Variants in ADORA2B observed in about 807,000 individuals in gnomAD.
ADORA2B encodes adenosine A2b receptor, also known as adenosine receptor A2b.
ADORA2B carries 18 observed loss-of-function variants against 20.8 expected under a neutral mutation model. The ratio of observed to expected loss-of-function variants is 0.87; its 90% CI spans 0.60 to 1.29. The LOEUF (loss-of-function observed/expected upper bound fraction) is 1.29. Among genes scored for constraint, ADORA2B ranks in the 50% most tolerant of loss-of-function variants. The pLI is 0.00. For synonymous variants in ADORA2B, 179 were observed against 178.3 expected (o/e 1.00, Z -0.03); for missense variants, 441 against 422.7 (o/e 1.04, Z -0.38).
At chr17:15,948,057 C>G (rs1202136488) in intron 1 of ADORA2B, among the ~76,000 whole-genome samples, 2 of 151,992 alleles carry the variant, frequency 1.3e-5, no homozygotes, top group Non-Finnish European at 2.9e-5. Flanking sequence ...AGGTGTGTCC[C>G]CTTTGAAGCC....
intron 1 of ADORA2B, among the ~76,000 whole-genome samples, chr17:15,962,301 T>C (rs766765962): frequency 6.6e-6 from 1 of 152,132 alleles, no homozygotes; most frequent in Non-Finnish European, 1.5e-5. Context: ...AGACTGCGTC[T>C]CAAAACAAAA....
At chr17:15,932,290 C>T in the ADORA2B span, among the ~76,000 whole-genome samples, 3 of 151,632 alleles carry the variant, frequency 2.0e-5, no homozygotes, top group Non-Finnish European at 4.4e-5. Context: ...GTCAGGAGTT[C>T]GAGACCAGCC....
intron 1 of ADORA2B, among the ~76,000 whole-genome samples, chr17:15,967,751 C>G (rs1970139305): frequency 6.6e-6 from 1 of 152,228 alleles, no homozygotes; most frequent in South Asian, 2.1e-4. Flanking sequence ...TCCATGCCCT[C>G]CTTGGGTGCA....
At chr17:15,902,135 T>C in the ADORA2B span, among the ~76,000 whole-genome samples, 1 of 152,230 alleles carries the variant, frequency 6.6e-6, no homozygotes, top group Non-Finnish European at 1.5e-5. Flanking sequence ...GATTTGTCTT[T>C]TTGTGAGTGG....
the ADORA2B span, among the ~76,000 whole-genome samples, chr17:15,883,874 A>G: frequency 2.1e-4 from 32 of 152,242 alleles, no homozygotes; most frequent in South Asian, 2.1e-4. Context: ...TGCATGTGTC[A>G]TCAGAGAGTG....
Position 15,945,273 on chromosome 17 carries a change from C to T in ADORA2B, c.25C>T (p.Leu9=). 2 of 1,509,304 alleles carry T rather than the reference C, an allele frequency of 1.3e-6. No homozygotes were observed. The highest frequency in any genetic ancestry group is 1.4e-5 in the African/African-American group (1 of 72,722). 93.5% of individuals were successfully genotyped at this position (1,509,304 alleles called of 1,614,324 possible). ...CATGCTGCTGGAGACACAGGACGCG[C>T]TGTACGTGGCGCTGGAGCTGGTCAT... The part of the protein sequence containing the change: MLLETQDA[L]YVALELVIAA... The change falls in exon 1 of 2, where the codon CTG becomes TTG. Residue 9 remains leucine (L), a synonymous_variant. Coordinates refer to ENST00000304222, the MANE Select transcript of ADORA2B (RefSeq NM_000676.4).
chr17:15,938,235 G>GA, the ADORA2B span, among the ~76,000 whole-genome samples: 1 of 152,114 alleles, frequency 6.6e-6, no homozygotes, highest in Admixed American at 6.6e-5. Flanking sequence ...GAAAGGAAAG[G>GA]AAGGAAGGAA....
intron 1 of ADORA2B, among the ~76,000 whole-genome samples, chr17:15,964,832 T>A (rs376533062): frequency 1.3e-5 from 2 of 150,246 alleles, no homozygotes; most frequent in African/African-American, 2.5e-5. Context: ...GAGGCCAAGG[T>A]GGGCGAATCA....
At chr17:15,972,988 T>A (rs1380009068) in intron 1 of ADORA2B, among the ~76,000 whole-genome samples, 2 of 152,228 alleles carry the variant, frequency 1.3e-5, no homozygotes, top group African/African-American at 2.4e-5. Flanking sequence ...CTCCAACTTG[T>A]GATCTAATGG....
the ADORA2B span, among the ~76,000 whole-genome samples, chr17:15,907,451 C>T: frequency 2.0e-5 from 3 of 152,074 alleles, no homozygotes; most frequent in African/African-American, 7.2e-5. Flanking sequence ...CTCTTGTAAC[C>T]ACAGAGGAAT....
the ADORA2B span, among the ~76,000 whole-genome samples, chr17:15,913,747 G>A: frequency 2.6e-4 from 40 of 152,178 alleles, no homozygotes; most frequent in African/African-American, 8.7e-4. Flanking sequence ...TGCAGTGTTG[G>A]CCAAAGGGCC....
At chr17:15,878,806 T>C in the ADORA2B span, among the ~76,000 whole-genome samples, 1 of 152,310 alleles carries the variant, frequency 6.6e-6, no homozygotes, top group Admixed American at 6.5e-5. Context: ...ATAAGAATTA[T>C]AGCAAATTCC....
At chr17:15,880,502 G>A in the ADORA2B span, among the ~76,000 whole-genome samples, 1 of 143,352 alleles carries the variant, frequency 7.0e-6, no homozygotes, top group Admixed American at 7.1e-5. Context: ...AAGACCACTG[G>A]CCACTGTCGC....
At chr17:15,892,535 G>T in the ADORA2B span, among the ~76,000 whole-genome samples, 1 of 152,026 alleles carries the variant, frequency 6.6e-6, no homozygotes, top group Non-Finnish European at 1.5e-5. Flanking sequence ...GACTGACTCG[G>T]TCCCCCAAAC....
chr17:15,954,647 A>T (rs1267817091), intron 1 of ADORA2B, among the ~76,000 whole-genome samples: 2 of 152,182 alleles, frequency 1.3e-5, no homozygotes, highest in Non-Finnish European at 2.9e-5. Flanking sequence ...CGCACCTGTA[A>T]TCCCAGCCCT....
the ADORA2B span, among the ~76,000 whole-genome samples, chr17:15,915,970 A>T: frequency 6.6e-6 from 1 of 152,198 alleles, no homozygotes; most frequent in Non-Finnish European, 1.5e-5. Context: ...AAGCTGAAGA[A>T]TCAGATTGGC....
chr17:15,951,617 C>A (rs914397743), intron 1 of ADORA2B, among the ~76,000 whole-genome samples: 2 of 152,338 alleles, frequency 1.3e-5, no homozygotes, highest in South Asian at 4.1e-4. Flanking sequence ...CATGGCTAGG[C>A]AGGGGCCAAG....
At chr17:15,887,500 A>T in the ADORA2B span, among the ~76,000 whole-genome samples, 1 of 130,792 alleles carries the variant, frequency 7.6e-6, no homozygotes. Flanking sequence ...GAAAGGTGCT[A>T]TGAAGGCCCC....
At chr17:15,883,438 AG>A in the ADORA2B span, among the ~76,000 whole-genome samples, 4 of 152,312 alleles carry the variant, frequency 2.6e-5, no homozygotes, top group East Asian at 5.8e-4. Flanking sequence ...AGAGTTGCAA[AG>A]GGTTTTCAAG....
Sources: allele counts gnomAD v4.1 joint callset (sites outside exome capture counted in the v4.1 genomes callset), GRCh38; gene constraint gnomAD v4.1.1; transcripts MANE v1.5; gene names NCBI Gene and HGNC (gene_info 2026-07-23, HGNC 2026-07-21).